TMPRSS15: variants seen among roughly 807,000 people sequenced by gnomAD.
The protein encoded by TMPRSS15 is enteropeptidase.
Under a neutral mutation model 125.3 loss-of-function variants are expected in TMPRSS15, and 128 were observed. The observed-to-expected ratio is 1.02, with a 90% CI of 0.89 to 1.18. TMPRSS15 has a LOEUF of 1.18. Among genes scored for constraint, TMPRSS15 ranks in the 50% most tolerant of loss-of-function variants. The probability of loss-of-function intolerance (pLI) is 0.00; values close to 1 mark genes in which losing one functional copy is unlikely to be tolerated. For synonymous variants in TMPRSS15, 446 were observed against 423.2 expected (o/e 1.05, Z -0.66); for missense variants, 1,283 against 1,212.7 (o/e 1.06, Z -0.86).
chr21:18,432,087 T>C (rs2076217323), intron 1 of TMPRSS15, among the ~76,000 whole-genome samples: 1 of 152,176 alleles, frequency 6.6e-6, no homozygotes, highest in Non-Finnish European at 1.5e-5. Flanking sequence ...AATTTGTAGC[T>C]TCCTGAATAC....
chr21:18,370,847 C>T (rs766059864), intron 6 of TMPRSS15, among the ~76,000 whole-genome samples: 1 of 151,930 alleles, frequency 6.6e-6, no homozygotes, highest in African/African-American at 2.4e-5. Flanking sequence ...AAACTTTGGT[C>T]GTTATTAGAA....
At chr21:18,481,899 G>A (rs555315059) in intron 1 of TMPRSS15, among the ~76,000 whole-genome samples, 54 of 151,664 alleles carry the variant, frequency 3.6e-4, no homozygotes, top group African/African-American at 1.1e-3. Flanking sequence ...AACAATAGAT[G>A]CAGGAGGAAA....
chr21:18,441,695 A>G (rs200600944), intron 1 of TMPRSS15, among the ~76,000 whole-genome samples: 1 of 110,796 alleles, frequency 9.0e-6, no homozygotes, highest in Non-Finnish European at 2.1e-5. Flanking sequence ...TATTATTATT[A>G]TTATTATTAT....
chr21:18,370,374 G>T (rs1183935506), intron 6 of TMPRSS15, among the ~76,000 whole-genome samples: 1 of 151,970 alleles, frequency 6.6e-6, no homozygotes, highest in Non-Finnish European at 1.5e-5. Flanking sequence ...CATATATTTT[G>T]GTAGTTATGC....
At chr21:18,465,438 G>C (rs1259669308) in intron 1 of TMPRSS15, among the ~76,000 whole-genome samples, 1 of 152,132 alleles carries the variant, frequency 6.6e-6, no homozygotes, top group Non-Finnish European at 1.5e-5. Context: ...AAGGAATAAA[G>C]GGTATTCAAA....
chr21:18,420,218 A>C (rs1276146296), intron 1 of TMPRSS15, among the ~76,000 whole-genome samples: 1 of 152,186 alleles, frequency 6.6e-6, no homozygotes, highest in African/African-American at 2.4e-5. Context: ...CTATGCAATG[A>C]ATGGTTTGGA....
At chr21:18,457,776 C>T (rs1260723792) in intron 1 of TMPRSS15, among the ~76,000 whole-genome samples, 2 of 152,044 alleles carry the variant, frequency 1.3e-5, no homozygotes, top group African/African-American at 2.4e-5. Flanking sequence ...AAGGAGGTGA[C>T]GATTTCTAAA....
In TMPRSS15 at chr21:18,269,350, T is replaced by G. The variant is rs930823699; in HGVS notation, c.*619A>C. The G allele has an allele frequency of 1.3e-5, 2 of 152,264 alleles. No individual in the cohort carries two copies. Among genetic ancestry groups the G allele is most frequent in the African/African-American group, 2.4e-5 (1 of 41,454 alleles). 9.4% of individuals were successfully genotyped at this position (152,264 alleles called of 1,614,324 possible). A position where few individuals can be genotyped will look rare whatever the true frequency, so the allele number is the denominator to read the frequency against. ...TACAATGACTATATCAGTTAATTTATCTTTTATTTAATTAACTTATTTAAG... is the reference window on the plus strand; with the variant it reads ...TACAATGACTATATCAGTTAATTTAGCTTTTATTTAATTAACTTATTTAAG... On this transcript the variant is annotated 3_prime_UTR_variant, in exon 25 of 25. Transcript: ENST00000284885.
At chr21:18,318,656 C>T (rs2075200283) in intron 16 of TMPRSS15, among the ~76,000 whole-genome samples, 1 of 152,122 alleles carries the variant, frequency 6.6e-6, no homozygotes, top group Non-Finnish European at 1.5e-5. Context: ...GTAAGTTACT[C>T]AGATAAAATG....
chr21:18,327,731 T>TC, intron 15 of TMPRSS15, among the ~76,000 whole-genome samples: 1 of 151,796 alleles, frequency 6.6e-6, no homozygotes, highest in East Asian at 1.9e-4. Flanking sequence ...AAAACACTTT[T>TC]TTTGTGTGTG....
chr21:18,393,079 T>C (rs892908041), intron 3 of TMPRSS15, among the ~76,000 whole-genome samples: 2 of 152,110 alleles, frequency 1.3e-5, no homozygotes, highest in Non-Finnish European at 2.9e-5. Context: ...GTACAGATGA[T>C]GTGGCAGGAC....
At chr21:18,361,984 TC>T (rs2075683502) in intron 7 of TMPRSS15, among the ~76,000 whole-genome samples, 1 of 151,928 alleles carries the variant, frequency 6.6e-6, no homozygotes, top group Admixed American at 6.6e-5. Context: ...TTTGAGAAGC[TC>T]CAAGGGCGAT....
chr21:18,314,426 C>T (rs898970036), intron 17 of TMPRSS15, among the ~76,000 whole-genome samples: 2 of 152,036 alleles, frequency 1.3e-5, no homozygotes, highest in Non-Finnish European at 2.9e-5. Context: ...TTACAGGCAC[C>T]CACCACCACG....
At chr21:18,403,880 A>G (rs555309233), upstream of TMPRSS15, among the ~76,000 whole-genome samples, 10 of 152,338 alleles carry the variant, frequency 6.6e-5, no homozygotes, top group South Asian at 2.1e-3. Flanking sequence ...GTAAATGTTA[A>G]CTACCTGAAC....
intron 8 of TMPRSS15, among the ~76,000 whole-genome samples, chr21:18,358,823 A>G (rs1327204687): frequency 6.6e-6 from 1 of 152,116 alleles, no homozygotes; most frequent in Non-Finnish European, 1.5e-5. Flanking sequence ...TAAAAATGAG[A>G]TATTATTAGC....
intron 1 of TMPRSS15, among the ~76,000 whole-genome samples, chr21:18,473,868 A>G (rs1206100537): frequency 6.6e-6 from 1 of 152,164 alleles, no homozygotes; most frequent in African/African-American, 2.4e-5. Context: ...ATTAATGAAC[A>G]GGAAAATTCA....
chr21:18,395,556 T>C (rs1408205096), intron 3 of TMPRSS15, among the ~76,000 whole-genome samples: 1 of 152,226 alleles, frequency 6.6e-6, no homozygotes, highest in African/African-American at 2.4e-5. Context: ...AATGAATTGG[T>C]ACACCAGGAA....
chr21:18,384,402 A>G (rs577439082), intron 3 of TMPRSS15, among the ~76,000 whole-genome samples: 1 of 152,292 alleles, frequency 6.6e-6, no homozygotes, highest in Non-Finnish European at 1.5e-5. Context: ...CAGGTCCATG[A>G]GTCGGGATTG....
chr21:18,405,460 A>C (rs1267677634), upstream of TMPRSS15, among the ~76,000 whole-genome samples: 1 of 152,180 alleles, frequency 6.6e-6, no homozygotes, highest in Non-Finnish European at 1.5e-5. Context: ...TTTTTTGAAA[A>C]GTTATTAAAA....
Sources: allele counts gnomAD v4.1 joint callset (sites outside exome capture counted in the v4.1 genomes callset), GRCh38; gene constraint gnomAD v4.1.1; transcripts MANE v1.5; gene names NCBI Gene and HGNC (gene_info 2026-07-23, HGNC 2026-07-21).